MIB1: variants seen among roughly 807,000 people sequenced by gnomAD.
MIB1 encodes E3 ubiquitin-protein ligase MIB1.
MIB1 carries 278 observed loss-of-function variants against 124.5 expected under a neutral mutation model. The observed-to-expected ratio is 2.23, with a 90% CI of 2.02 to 2.47. The LOEUF (loss-of-function observed/expected upper bound fraction) is 2.47. Ranked by LOEUF, MIB1 falls within the 30% of genes most tolerant of loss-of-function variation. The pLI is 0.00. For synonymous variants in MIB1, 446 were observed against 429.4 expected, an observed-to-expected ratio of 1.04 and a Z score of -0.48; for missense variants, 957 against 1,254.4, an observed-to-expected ratio of 0.76 and a Z score of 3.58.
intron 18 of MIB1, 79 bp downstream of exon 18, chr18:21,853,297 T>C (rs2042197795): frequency 4.5e-6 from 5 of 1,114,676 alleles, no homozygotes; most frequent in South Asian, 1.4e-5. Context: ...TGAGGGTTTT[T>C]TTGCTTTTGA....
intron 12 of MIB1, chr18:21,828,096 A>G (rs2041943485): frequency 6.6e-6 from 1 of 151,996 alleles, no homozygotes; most frequent in African/African-American, 2.4e-5. Flanking sequence ...TTTCTAAACA[A>G]TGGATTGATC....
chr18:21,823,406 A>C (rs1336342461), intron 12 of MIB1, among the ~76,000 whole-genome samples: 1 of 151,856 alleles, frequency 6.6e-6, no homozygotes, highest in African/African-American at 2.4e-5. Context: ...GTCTCTAAAA[A>C]AAAAAAAAAA....
intron 1 of MIB1, among the ~76,000 whole-genome samples, chr18:21,712,771 C>G (rs542335374): frequency 5.1e-4 from 77 of 152,048 alleles, no homozygotes; most frequent in Non-Finnish European, 1.0e-3. Context: ...GACCTATGAC[C>G]CATGGGAACT....
intron 17 of MIB1, among the ~76,000 whole-genome samples, chr18:21,849,812 TG>T (rs1318032680): frequency 1.3e-5 from 2 of 152,172 alleles, no homozygotes; most frequent in Admixed American, 6.5e-5. Context: ...GTACAAAAAC[TG>T]TTTTGCATTC....
At chr18:21,751,594 A>G (rs1351998345) in intron 1 of MIB1, among the ~76,000 whole-genome samples, 1 of 152,138 alleles carries the variant, frequency 6.6e-6, no homozygotes, top group Non-Finnish European at 1.5e-5. Context: ...AATTGGATTT[A>G]AAATTGTAGT....
chr18:21,801,622 G>A (rs990312973), intron 9 of MIB1, among the ~76,000 whole-genome samples: 5 of 151,920 alleles, frequency 3.3e-5, no homozygotes, highest in African/African-American at 1.2e-4. Flanking sequence ...GTTACTTGTG[G>A]TCTTTCCCAG....
chr18:21,831,045 A>T (rs1768598732), intron 12 of MIB1: 1 of 150,850 alleles, frequency 6.6e-6, no homozygotes, highest in Admixed American at 6.6e-5. Flanking sequence ...AGCTTGTCAG[A>T]TGAAATGCTT....
At chr18:21,800,247 A>ATT (rs200959163) in intron 9 of MIB1, among the ~76,000 whole-genome samples, 1 of 149,826 alleles carries the variant, frequency 6.7e-6, no homozygotes, top group Non-Finnish European at 1.5e-5. Context: ...AAATTCAGCG[A>ATT]TTTTTTTTTT....
chr18:21,843,058 T>C (rs1337183708), intron 13 of MIB1, 73 bp from the exon 14 acceptor site: 9 of 1,023,086 alleles, frequency 8.8e-6, no homozygotes, highest in East Asian at 7.8e-5. Context: ...TTATTCCTTA[T>C]GAGTAGTTAT....
chr18:21,767,936 G>A (rs530668110), intron 2 of MIB1, among the ~76,000 whole-genome samples: 14 of 152,168 alleles, frequency 9.2e-5, no homozygotes, highest in African/African-American at 2.9e-4. Context: ...CACTGCCCCC[G>A]CCAATACAGA....
chr18:21,727,010 C>T (rs570874342), intron 1 of MIB1, among the ~76,000 whole-genome samples: 1 of 152,172 alleles, frequency 6.6e-6, no homozygotes, highest in Non-Finnish European at 1.5e-5. Flanking sequence ...TTTCTCTGGC[C>T]CTTGGCTCCA....
chr18:21,723,565 A>G (rs11083303), intron 1 of MIB1, among the ~76,000 whole-genome samples: 69,656 of 151,802 alleles, frequency 0.46, 19,460 homozygotes, highest in African/African-American at 0.79. Context: ...GCCCAGGCTG[A>G]AGTGCAGTGG....
At chr18:21,864,278 G>A (rs1228742074) in intron 20 of MIB1, among the ~76,000 whole-genome samples, 1 of 152,070 alleles carries the variant, frequency 6.6e-6, no homozygotes, top group Non-Finnish European at 1.5e-5. Context: ...GTCTGGCTGT[G>A]TTTTATATAT....
chr18:21,766,436 T>C (rs2041160061), intron 2 of MIB1, among the ~76,000 whole-genome samples: 1 of 152,192 alleles, frequency 6.6e-6, no homozygotes, highest in Non-Finnish European at 1.5e-5. Context: ...TATCATGTGA[T>C]GTTTTAGACT....
chr18:21,724,117 G>A (rs1043308336), intron 1 of MIB1: 1 of 152,688 alleles, frequency 6.5e-6, no homozygotes, highest in Non-Finnish European at 1.5e-5. Flanking sequence ...CATTCTATCT[G>A]TGGCTGATCT....
At chr18:21,730,442 C>T (rs2040763472) in intron 1 of MIB1, among the ~76,000 whole-genome samples, 1 of 152,156 alleles carries the variant, frequency 6.6e-6, no homozygotes, top group African/African-American at 2.4e-5. Context: ...GTGGTGTGCG[C>T]CTGTAGTCCT....
intron 1 of MIB1, among the ~76,000 whole-genome samples, chr18:21,760,259 T>C (rs929854420): frequency 6.6e-6 from 1 of 152,196 alleles, no homozygotes; most frequent in African/African-American, 2.4e-5. Flanking sequence ...ATTGGGTGGA[T>C]GTAGTGAGGG....
chr18:21,776,534 C>G (rs1030720307), intron 4 of MIB1, among the ~76,000 whole-genome samples: 6 of 152,316 alleles, frequency 3.9e-5, no homozygotes, highest in Non-Finnish European at 5.9e-5. Context: ...TAAATTTTCA[C>G]AGTATACACA....
At chr18:21,716,827 G>C (rs891716043) in intron 1 of MIB1, among the ~76,000 whole-genome samples, 2 of 152,108 alleles carry the variant, frequency 1.3e-5, no homozygotes, top group Non-Finnish European at 1.5e-5. Flanking sequence ...ACTCCAGCCT[G>C]GGGGACAGAG....
Sources: allele counts gnomAD v4.1 joint callset (sites outside exome capture counted in the v4.1 genomes callset), GRCh38; gene constraint gnomAD v4.1.1; transcripts MANE v1.5; gene names NCBI Gene and HGNC (gene_info 2026-07-23, HGNC 2026-07-21).